The following DCC variants were observed in gnomAD, a reference collection of about 807,000 sequenced individuals.
DCC encodes DCC netrin 1 receptor.
A neutral mutation model predicts 172.5 loss-of-function variants in DCC; 58 were observed. The ratio of observed to expected loss-of-function variants is 0.34; its 90% CI spans 0.27 to 0.42. The LOEUF (loss-of-function observed/expected upper bound fraction) is 0.42. Among genes scored for constraint, DCC ranks in the 10% least tolerant of loss-of-function variants. The pLI, the probability that DCC is intolerant of heterozygous loss-of-function variation, is 1.00. For synonymous variants in DCC, 709 were observed against 644.5 expected, an observed-to-expected ratio of 1.10 and a Z score of -1.52; for missense variants, 1,740 against 1,791.0, an observed-to-expected ratio of 0.97 and a Z score of 0.51.
At chr18:52,457,224 A>C (rs942309778) in intron 1 of DCC, among the ~76,000 whole-genome samples, 1 of 152,340 alleles carries the variant, frequency 6.6e-6, no homozygotes, top group East Asian at 1.9e-4. Context: ...AATTTAATGC[A>C]ATATGATAGA....
At chr18:53,237,944 A>G (rs1279071009) in intron 12 of DCC, among the ~76,000 whole-genome samples, 2 of 152,180 alleles carry the variant, frequency 1.3e-5, no homozygotes, top group Non-Finnish European at 2.9e-5. Flanking sequence ...ATCAGATTTA[A>G]TCTTCAAATC....
intron 1 of DCC, among the ~76,000 whole-genome samples, chr18:52,749,883 T>C (rs2036968605): frequency 6.6e-6 from 1 of 152,174 alleles, no homozygotes; most frequent in Non-Finnish European, 1.5e-5. Context: ...GAATTTCAAA[T>C]TTATTTCTTC....
rs528120652 is a variant in DCC at position 53,019,762 on chromosome 18, C to A, written c.986-43543C>A. ...AAAATAAAGTTTTATTGAATTACAG[C>A]TAGGGTCATTTGTTTACTTATTATG... On this transcript the variant is annotated intron_variant, in intron 5 of 28. Transcript: ENST00000442544. Among the ~76,000 whole-genome samples the A allele has an allele frequency of 3.9e-5, 6 of 152,210 alleles. 1 individual carries two copies. The East Asian group carries it at 1.2e-3, about 29-fold the overall frequency.
intron 7 of DCC, among the ~76,000 whole-genome samples, chr18:53,087,199 C>G (rs1361403754): frequency 6.6e-6 from 1 of 152,228 alleles, no homozygotes; most frequent in South Asian, 2.1e-4. Context: ...CATGGTTGAA[C>G]TAGTTTACAG....
intron 2 of DCC, among the ~76,000 whole-genome samples, chr18:52,881,093 C>T (rs937645019): frequency 6.6e-6 from 1 of 152,028 alleles, no homozygotes; most frequent in Non-Finnish European, 1.5e-5. Flanking sequence ...CTTTGATTTG[C>T]ATTTTTCTGA....
In DCC at chr18:52,996,268, T is replaced by C. The variant is rs578253995; in HGVS notation, c.986-67037T>C. ...ATATAATTATATATTTTTCTCTAAT[T>C]ATATTCTAATTATATTGTTGTTTAA... On this transcript the variant is annotated intron_variant, in intron 5 of 28. Transcript: ENST00000442544. 8.6e-5 allele frequency among the ~76,000 whole-genome samples: 13 copies of C among 152,032 alleles called. No individual in the cohort carries two copies. The South Asian group carries it at 2.7e-3, about 32-fold the overall frequency.
At chr18:52,568,071 G>A (rs562968116) in intron 1 of DCC, among the ~76,000 whole-genome samples, 30 of 152,196 alleles carry the variant, frequency 2.0e-4, no homozygotes, top group African/African-American at 2.4e-5. Flanking sequence ...TTCTTTAACT[G>A]GTTTAGTACT....
At chr18:53,169,787 T>C (rs181100579) in intron 8 of DCC, among the ~76,000 whole-genome samples, 1 of 152,294 alleles carries the variant, frequency 6.6e-6, no homozygotes, top group Admixed American at 6.5e-5. Flanking sequence ...TTCTCATTAT[T>C]CACTGTTCTC....
chr18:52,587,387 G>A (rs1330803041), intron 1 of DCC, among the ~76,000 whole-genome samples: 1 of 152,150 alleles, frequency 6.6e-6, no homozygotes, highest in African/African-American at 2.4e-5. Context: ...CACAGAACGG[G>A]TCATCCTATC....
intron 9 of DCC, among the ~76,000 whole-genome samples, chr18:53,183,026 C>T (rs2144491456): frequency 6.6e-6 from 1 of 152,230 alleles, no homozygotes; most frequent in East Asian, 1.9e-4. Flanking sequence ...CATTTGGTTG[C>T]TGCTTTTATC....
intron 2 of DCC, among the ~76,000 whole-genome samples, chr18:52,777,857 C>T (rs772904764): frequency 6.6e-6 from 1 of 151,792 alleles, no homozygotes; most frequent in Non-Finnish European, 1.5e-5. Flanking sequence ...GTAAGAAATG[C>T]CAAGTGTATC....
At chr18:53,289,846 G>A (rs1161177791) in intron 12 of DCC, among the ~76,000 whole-genome samples, 1 of 152,056 alleles carries the variant, frequency 6.6e-6, no homozygotes, top group Non-Finnish European at 1.5e-5. Flanking sequence ...TATAGACTGG[G>A]ATAAAGGAAA....
At chr18:52,993,025 A>G (rs2041419840) in intron 5 of DCC, among the ~76,000 whole-genome samples, 1 of 152,058 alleles carries the variant, frequency 6.6e-6, no homozygotes, top group Admixed American at 6.6e-5. Context: ...AGTTTATTAC[A>G]ATCTTCAGCA....
chr18:53,130,660 C>G (rs2043637857), intron 7 of DCC, among the ~76,000 whole-genome samples: 1 of 152,048 alleles, frequency 6.6e-6, no homozygotes, highest in Non-Finnish European at 1.5e-5. Flanking sequence ...CAACCCCTGA[C>G]TTACTCTGGT....
chr18:53,159,644 A>AATCTATCTGTATCTATATCT (rs2054802349), intron 8 of DCC, among the ~76,000 whole-genome samples: 1 of 152,142 alleles, frequency 6.6e-6, no homozygotes, highest in African/African-American at 2.4e-5. Flanking sequence ...GTCTAGCCCC[A>AATCTATCTGTATCTATATCT]ATCTATCTGT....
chr18:53,095,023 C>A (rs1289069572), intron 7 of DCC, among the ~76,000 whole-genome samples: 1 of 152,128 alleles, frequency 6.6e-6, no homozygotes, highest in Non-Finnish European at 1.5e-5. Context: ...GTGCAATTAA[C>A]TTCTATTATC....
intron 28 of DCC, among the ~76,000 whole-genome samples, chr18:53,527,617 A>G (rs367782985): frequency 6.6e-6 from 1 of 152,010 alleles, no homozygotes. Context: ...AAGTTTTACT[A>G]AGGAAATAAG....
intron 2 of DCC, among the ~76,000 whole-genome samples, chr18:52,800,177 C>A (rs1159170528): frequency 6.6e-6 from 1 of 152,170 alleles, no homozygotes; most frequent in Non-Finnish European, 1.5e-5. Context: ...TCCATGGGTC[C>A]TACTCAATAA....
intron 1 of DCC, among the ~76,000 whole-genome samples, chr18:52,635,644 G>C (rs772257240): frequency 6.6e-6 from 1 of 152,014 alleles, no homozygotes; most frequent in African/African-American, 2.4e-5. Context: ...CATAAGAATC[G>C]AGTCTTTATT....
Sources: allele counts gnomAD v4.1 joint callset (sites outside exome capture counted in the v4.1 genomes callset), GRCh38; gene constraint gnomAD v4.1.1; transcripts MANE v1.5; gene names NCBI Gene and HGNC (gene_info 2026-07-23, HGNC 2026-07-21).